The following CFAP161 variants were observed in gnomAD, a reference collection of about 807,000 sequenced individuals.
The protein encoded by CFAP161 is cilia and flagella associated protein 161.
CFAP161 carries 25 observed loss-of-function variants against 29.0 expected under a neutral mutation model. The observed-to-expected ratio is 0.86, with a 90% CI of 0.63 to 1.20. The LOEUF (loss-of-function observed/expected upper bound fraction) is 1.20. Among genes scored for constraint, CFAP161 ranks in the 50% most tolerant of loss-of-function variants. The pLI, the probability that CFAP161 is intolerant of heterozygous loss-of-function variation, is 0.00. For missense variants in CFAP161, 367 were observed against 371.9 expected (o/e 0.99, Z 0.11); for synonymous variants, 116 against 137.4 (o/e 0.84, Z 1.09).
chr15:81,121,532 G>A (rs995462528), intron 1 of CFAP161, among the ~76,000 whole-genome samples: 10 of 114,534 alleles, frequency 8.7e-5, no homozygotes, highest in Non-Finnish European at 1.8e-4. Context: ...GACTTTTTTG[G>A]TATATTTTAA....
chr15:81,137,979 A>G, intron 3 of CFAP161, 72 bp from the exon 4 acceptor site: 1 of 1,186,414 alleles, frequency 8.4e-7, no homozygotes, highest in South Asian at 1.4e-5. Flanking sequence ...TTGCATGCAT[A>G]AAAAATAGAG....
intron 1 of CFAP161, among the ~76,000 whole-genome samples, chr15:81,124,085 A>G (rs1050662879): frequency 6.6e-6 from 1 of 152,104 alleles, no homozygotes; most frequent in African/African-American, 2.4e-5. Context: ...GTTGAATAGC[A>G]GTGGTGAGAG....
At chr15:81,126,503 G>A (rs2141872042) in intron 1 of CFAP161, among the ~76,000 whole-genome samples, 1 of 152,224 alleles carries the variant, frequency 6.6e-6, no homozygotes, top group South Asian at 2.1e-4. Flanking sequence ...AACAAATGTG[G>A]GCAGGGAAGA....
upstream of CFAP161, among the ~76,000 whole-genome samples, chr15:81,133,921 CTGCTGA>C (rs201429499): frequency 0.11 from 14,787 of 135,012 alleles, 826 homozygotes; most frequent in East Asian, 0.18. Context: ...GCTGCTGCTG[CTGCTGA>C]TTACAAAAAA....
intron 1 of CFAP161, among the ~76,000 whole-genome samples, chr15:81,126,071 T>C (rs1595913545): frequency 6.6e-6 from 1 of 152,322 alleles, no homozygotes; most frequent in Non-Finnish European, 1.5e-5. Context: ...GGTTTCACCA[T>C]GTTGGCAGGC....
At chr15:81,132,143 G>A (rs571725520), upstream of CFAP161, among the ~76,000 whole-genome samples, 1 of 152,194 alleles carries the variant, frequency 6.6e-6, no homozygotes, top group African/African-American at 2.4e-5. Flanking sequence ...CAGGCATGGT[G>A]GCACATGCCT....
intron 1 of CFAP161, among the ~76,000 whole-genome samples, chr15:81,111,993 A>T (rs564442519): frequency 1.3e-4 from 20 of 152,246 alleles, no homozygotes; most frequent in African/African-American, 4.6e-4. Flanking sequence ...CAATCAAGAA[A>T]CCTATTTAAC....
intron 1 of CFAP161, among the ~76,000 whole-genome samples, chr15:81,121,320 A>G (rs1257242860): frequency 2.0e-5 from 3 of 152,226 alleles, no homozygotes; most frequent in East Asian, 1.9e-4. Flanking sequence ...TCTTTACCAA[A>G]AACATATTTT....
intron 1 of CFAP161, among the ~76,000 whole-genome samples, chr15:81,111,649 TC>T (rs1218649567): frequency 6.6e-6 from 1 of 152,178 alleles, no homozygotes; most frequent in East Asian, 1.9e-4. Flanking sequence ...GAAGGTACTT[TC>T]CCATCATCTC....
chr15:81,137,294 G>A (rs1264930035), intron 3 of CFAP161, among the ~76,000 whole-genome samples: 1 of 152,250 alleles, frequency 6.6e-6, no homozygotes, highest in East Asian at 1.9e-4. Context: ...TGTAAGCATT[G>A]CAAGAATATA....
chr15:81,133,210 TATATATATATA>T (rs1894740932), upstream of CFAP161, among the ~76,000 whole-genome samples: 2 of 54,456 alleles, frequency 3.7e-5, no homozygotes, highest in East Asian at 4.4e-4. Context: ...TATATATATA[TATATATATATA>T]TATGTATTTT....
chr15:81,146,015 G>T (rs941439158), intron 5 of CFAP161, among the ~76,000 whole-genome samples: 1 of 152,186 alleles, frequency 6.6e-6, no homozygotes, highest in Non-Finnish European at 1.5e-5. Context: ...GCAGTCAGTC[G>T]CTCATATTAG....
chr15:81,130,686 C>T (rs764023357), upstream of CFAP161, among the ~76,000 whole-genome samples: 6 of 152,226 alleles, frequency 3.9e-5, no homozygotes, highest in East Asian at 1.9e-4. Flanking sequence ...GGCAACAGAG[C>T]GAGACTCCAT....
At chr15:81,147,824 G>C (rs1895034440) in intron 5 of CFAP161, 34 bp from the exon 6 acceptor site, 1 of 1,467,754 alleles carries the variant, frequency 6.8e-7, no homozygotes, top group Non-Finnish European at 9.2e-7. Context: ...AAAATGTTTA[G>C]AATGCTAATA....
intron 1 of CFAP161, among the ~76,000 whole-genome samples, chr15:81,115,094 T>C (rs574963745): frequency 2.4e-4 from 37 of 152,358 alleles, no homozygotes; most frequent in African/African-American, 8.9e-4. Context: ...ATTTTTTGTA[T>C]AAGTTTGTGA....
chr15:81,143,946 T>A lies in CFAP161; in HGVS notation c.636+126T>A, dbSNP rs554777376. On this transcript the variant is annotated intron_variant, in intron 5 of 6. Coordinates refer to ENST00000286732, the MANE Select transcript of CFAP161 (RefSeq NM_173528.4). The stretch of plus-strand genomic sequence containing the variant: ...CTTTCTCTCTCTTTTCTGTCTTTTT[T>A]TTTCCATTTATAACACACAGACTTA... 17 of 1,112,448 alleles carry A rather than the reference T, an allele frequency of 1.5e-5. No homozygotes were observed. The African/African-American group carries it at 2.7e-4, about 17-fold the overall frequency. The allele number at this position is 1,112,448 out of a possible 1,614,324, so 68.9% of individuals were successfully genotyped here. A position where few individuals can be genotyped will look rare whatever the true frequency, so the allele number is the denominator to read the frequency against.
chr15:81,103,990 G>A (rs1894332962), intron 1 of CFAP161, among the ~76,000 whole-genome samples: 1 of 151,854 alleles, frequency 6.6e-6, no homozygotes, highest in African/African-American at 2.4e-5. Flanking sequence ...TGAGAGGTGA[G>A]GAAAAACATG....
chr15:81,122,454 C>T (rs1160985116), intron 1 of CFAP161, among the ~76,000 whole-genome samples: 2 of 150,840 alleles, frequency 1.3e-5, no homozygotes, highest in South Asian at 2.1e-4. Context: ...TTGCACTTCT[C>T]TAATGATCAG....
At chr15:81,142,399 T>C in intron 4 of CFAP161, among the ~76,000 whole-genome samples, 1 of 152,156 alleles carries the variant, frequency 6.6e-6, no homozygotes, top group East Asian at 1.9e-4. Flanking sequence ...CATTGCCCTT[T>C]GAATGAAGTT....
Sources: gnomAD v4.1 joint callset for allele counts (sites outside exome capture counted in the v4.1 genomes callset) on GRCh38, gnomAD v4.1.1 for gene constraint, MANE v1.5 for transcripts, NCBI Gene and HGNC (gene_info 2026-07-23, HGNC 2026-07-21) for gene names.